The following HS6ST3 variants were observed in gnomAD, a reference collection of about 807,000 sequenced individuals.
The protein encoded by HS6ST3 is heparan-sulfate 6-O-sulfotransferase 3.
Under a neutral mutation model 36.7 loss-of-function variants are expected in HS6ST3, and 12 were observed. That is an observed-to-expected ratio of 0.33 (90% CI 0.21 to 0.53). The LOEUF (loss-of-function observed/expected upper bound fraction) is 0.53. HS6ST3 is among the 20% of genes least tolerant of loss of function. HS6ST3 has a pLI of 0.95. For missense variants in HS6ST3, 584 were observed against 640.9 expected (o/e 0.91, Z 0.96); for synonymous variants, 240 against 257.5 (o/e 0.93, Z 0.65).
At chr13:96,650,621 A>G (rs2056604084) in intron 1 of HS6ST3, among the ~76,000 whole-genome samples, 1 of 152,092 alleles carries the variant, frequency 6.6e-6, no homozygotes. Context: ...GTAGAACTTG[A>G]TTTAAGTCCA....
chr13:96,798,117 C>A (rs1877958331), intron 1 of HS6ST3, among the ~76,000 whole-genome samples: 1 of 151,968 alleles, frequency 6.6e-6, no homozygotes, highest in Non-Finnish European at 1.5e-5. Context: ...CCCTTACTGG[C>A]TTATTATGAC....
chr13:96,412,767 G>A (rs2055514114), intron 1 of HS6ST3, among the ~76,000 whole-genome samples: 1 of 151,412 alleles, frequency 6.6e-6, no homozygotes, highest in Non-Finnish European at 1.5e-5. Flanking sequence ...GAAATGAAAA[G>A]GTTTTAAAGG....
chr13:96,134,819 C>T (rs2053993214), intron 1 of HS6ST3, among the ~76,000 whole-genome samples: 1 of 152,134 alleles, frequency 6.6e-6, no homozygotes. Context: ...ATCATGGATA[C>T]CCCTAGAATT....
chr13:96,521,042 G>T (rs1447959723), intron 1 of HS6ST3, among the ~76,000 whole-genome samples: 1 of 152,108 alleles, frequency 6.6e-6, no homozygotes, highest in Non-Finnish European at 1.5e-5. Context: ...CTAGTTTTTT[G>T]AGTGTTTTTA....
rs543810386 is a variant in HS6ST3 at position 96,371,769 on chromosome 13, ATTG to A, written c.707+280204_707+280206del. 3.9e-5 allele frequency among the ~76,000 whole-genome samples: 6 copies of A among 152,192 alleles called. No individual in the cohort carries two copies. The East Asian group carries it at 1.2e-3, about 29-fold the overall frequency. ...CATAATATCTGCCAGGTTCTTCCAT[ATTG>A]TTGCAAATGGCAGGATTCCCTTCTT... is the stretch of plus-strand genomic sequence containing the variant. On this transcript the variant is annotated intron_variant, in intron 1 of 1. Coordinates refer to ENST00000376705, the MANE Select transcript of HS6ST3 (RefSeq NM_153456.4).
At chr13:96,463,902 A>G (rs2055797658) in intron 1 of HS6ST3, among the ~76,000 whole-genome samples, 1 of 152,104 alleles carries the variant, frequency 6.6e-6, no homozygotes, top group Non-Finnish European at 1.5e-5. Flanking sequence ...CTATCAAACT[A>G]AAACGTGTTG....
chr13:96,694,674 A>G (rs958310107), intron 1 of HS6ST3, among the ~76,000 whole-genome samples: 1 of 152,078 alleles, frequency 6.6e-6, no homozygotes, highest in African/African-American at 2.4e-5. Context: ...AAGTGTTCCT[A>G]TTTCTCCATA....
intron 1 of HS6ST3, among the ~76,000 whole-genome samples, chr13:96,284,443 A>G (rs1448238414): frequency 6.6e-6 from 1 of 152,218 alleles, no homozygotes; most frequent in Non-Finnish European, 1.5e-5. Flanking sequence ...GTTCAAGGGC[A>G]GGAAGCATCC....
chr13:96,548,850 TG>T (rs1319068462), intron 1 of HS6ST3, among the ~76,000 whole-genome samples: 1 of 152,238 alleles, frequency 6.6e-6, no homozygotes, highest in Non-Finnish European at 1.5e-5. Flanking sequence ...GAGGGCAATC[TG>T]CCTTACTCGG....
intron 1 of HS6ST3, among the ~76,000 whole-genome samples, chr13:96,166,752 T>C (rs1258682318): frequency 6.6e-6 from 1 of 152,064 alleles, no homozygotes; most frequent in South Asian, 2.1e-4. Context: ...GGGGCTGATA[T>C]GGTTTGGCTG....
rs201548396 is a variant in HS6ST3, at chr13:96,293,381, CAGAT to C, written c.707+201820_707+201823del. 9.3e-4 allele frequency among the ~76,000 whole-genome samples: 141 copies of C among 151,950 alleles called. 2 individuals are homozygous for C. Among genetic ancestry groups the C allele is most frequent in the African/African-American group, 3.1e-3 (130 of 41,336 alleles). On this transcript the variant is annotated intron_variant, in intron 1 of 1. Coordinates refer to ENST00000376705, the MANE Select transcript of HS6ST3 (RefSeq NM_153456.4). ...CAATTACCCATTTGATACTGTTCTT[CAGAT>C]AGATAGAGAGAGTGCACCATGTTTT...
intron 1 of HS6ST3, among the ~76,000 whole-genome samples, chr13:96,534,593 T>C (rs1202076006): frequency 6.6e-6 from 1 of 152,220 alleles, no homozygotes; most frequent in African/African-American, 2.4e-5. Context: ...TCACTATTTA[T>C]ATGCTGTTTT....
At chr13:96,755,412 T>A (rs1037754583) in intron 1 of HS6ST3, among the ~76,000 whole-genome samples, 1 of 152,140 alleles carries the variant, frequency 6.6e-6, no homozygotes, top group African/African-American at 2.4e-5. Flanking sequence ...TCGCCCAGGC[T>A]GGAGTGCAAT....
intron 1 of HS6ST3, among the ~76,000 whole-genome samples, chr13:96,120,816 CA>C (rs1273361486): frequency 6.6e-6 from 1 of 152,092 alleles, no homozygotes; most frequent in Admixed American, 6.5e-5. Flanking sequence ...CAAACAGTGA[CA>C]AATCAGTTAA....
intron 1 of HS6ST3, among the ~76,000 whole-genome samples, chr13:96,658,356 C>T (rs1217888466): frequency 6.9e-6 from 1 of 144,804 alleles, no homozygotes; most frequent in Non-Finnish European, 1.5e-5. Flanking sequence ...TCTTGGCTCA[C>T]TGCAACCTCT....
Position 96,090,378 on chromosome 13 carries a change from G to A in HS6ST3, c.-485G>A, listed in dbSNP as rs1019709324. On this transcript the variant is annotated 5_prime_UTR_variant, in exon 1 of 2. Coordinates refer to ENST00000376705, the MANE Select transcript of HS6ST3 (RefSeq NM_153456.4). ...GGTGCCCGCGGCCGGCCGGGGCGGC[G>A]GGAGCGGGCCGCGCCTTCGCCCTTG... 1.4e-5 allele frequency among the ~76,000 whole-genome samples: 2 copies of A among 146,250 alleles called. No homozygotes were observed. The highest frequency in any genetic ancestry group is 4.9e-5 in the African/African-American group (2 of 40,846).
intron 1 of HS6ST3, among the ~76,000 whole-genome samples, chr13:96,629,743 A>G (rs2056525440): frequency 6.6e-6 from 1 of 152,068 alleles, no homozygotes; most frequent in South Asian, 2.1e-4. Flanking sequence ...CTTGGAAGCC[A>G]TTGAGCTTTT....
At chr13:96,637,460 T>A (rs1390940961) in intron 1 of HS6ST3, among the ~76,000 whole-genome samples, 1 of 152,160 alleles carries the variant, frequency 6.6e-6, no homozygotes, top group Non-Finnish European at 1.5e-5. Flanking sequence ...GTTTAGCTTT[T>A]CATCTGGAAA....
At chr13:96,677,654 T>A (rs149163288) in intron 1 of HS6ST3, among the ~76,000 whole-genome samples, 222 of 152,276 alleles carry the variant, frequency 1.5e-3, no homozygotes, top group African/African-American at 4.7e-3. Context: ...ATTTCTTGCT[T>A]GAAAGATTGA....
Sources: gnomAD v4.1 joint callset for allele counts (sites outside exome capture counted in the v4.1 genomes callset) on GRCh38, gnomAD v4.1.1 for gene constraint, MANE v1.5 for transcripts, NCBI Gene and HGNC (gene_info 2026-07-23, HGNC 2026-07-21) for gene names.